The following GRIK1 variants were observed in gnomAD, a reference collection of about 807,000 sequenced individuals.
The protein encoded by GRIK1 is glutamate ionotropic receptor kainate type subunit 1.
In GRIK1, 69 loss-of-function variants were observed where a neutral mutation model predicts 105.7. The ratio of observed to expected loss-of-function variants is 0.65; its 90% CI spans 0.54 to 0.80. The LOEUF is 0.80. Ranked by LOEUF, GRIK1 falls within the 30% of genes least tolerant of loss-of-function variation. The probability of loss-of-function intolerance (pLI) is 0.00; values close to 1 mark genes in which losing one functional copy is unlikely to be tolerated. For missense variants in GRIK1, 1,109 were observed against 1,167.3 expected (o/e 0.95, Z 0.73); for synonymous variants, 438 against 431.3 (o/e 1.02, Z -0.19).
intron 1 of GRIK1, among the ~76,000 whole-genome samples, chr21:29,843,196 G>T (rs915459515): frequency 7.2e-5 from 11 of 152,066 alleles, no homozygotes; most frequent in African/African-American, 2.7e-4. Flanking sequence ...GGTGAATGAT[G>T]GTTGCTAATG....
intron 1 of GRIK1, among the ~76,000 whole-genome samples, chr21:29,911,297 T>A (rs189400541): frequency 1.2e-3 from 187 of 152,186 alleles, no homozygotes; most frequent in African/African-American, 4.3e-3. Context: ...GGACAAAATG[T>A]TTATTACATC....
At chr21:29,719,799 A>C (rs1269454172) in intron 1 of GRIK1, among the ~76,000 whole-genome samples, 2 of 152,224 alleles carry the variant, frequency 1.3e-5, no homozygotes, top group Non-Finnish European at 2.9e-5. Context: ...GATATTTCCC[A>C]AAGGACCAGT....
intron 1 of GRIK1, among the ~76,000 whole-genome samples, chr21:29,932,930 A>G (rs1299148623): frequency 6.6e-6 from 1 of 151,612 alleles, no homozygotes; most frequent in East Asian, 1.9e-4. Flanking sequence ...AAAAAAAAAA[A>G]CGAGAAAAAG....
At chr21:29,664,966 T>A (rs1388434026) in intron 4 of GRIK1, among the ~76,000 whole-genome samples, 2 of 152,224 alleles carry the variant, frequency 1.3e-5, no homozygotes, top group Admixed American at 6.5e-5. Flanking sequence ...GACATACATA[T>A]CTTCAAATAC....
At chr21:29,695,126 G>A (rs1010183970) in intron 1 of GRIK1, among the ~76,000 whole-genome samples, 1 of 152,180 alleles carries the variant, frequency 6.6e-6, no homozygotes, top group African/African-American at 2.4e-5. Context: ...CTCACTGCAA[G>A]TAACAGTACA....
chr21:29,595,340 G>GTTTTTTTT (rs71191119), intron 9 of GRIK1, among the ~76,000 whole-genome samples: 6 of 136,978 alleles, frequency 4.4e-5, no homozygotes, highest in Non-Finnish European at 6.3e-5. Context: ...AGTGTAATAG[G>GTTTTTTTT]TTTTTTTTTT....
chr21:29,802,650 T>C (rs1181084411), intron 1 of GRIK1, among the ~76,000 whole-genome samples: 1 of 152,126 alleles, frequency 6.6e-6, no homozygotes, highest in Admixed American at 6.6e-5. Flanking sequence ...CTATTCACAC[T>C]GACTGAAATG....
intron 1 of GRIK1, among the ~76,000 whole-genome samples, chr21:29,858,754 C>G (rs1487451305): frequency 6.6e-6 from 1 of 151,944 alleles, no homozygotes; most frequent in East Asian, 1.9e-4. Context: ...TTCATTGGTG[C>G]AAAATCTCAT....
At chr21:29,822,574 T>A (rs533105378) in intron 1 of GRIK1, among the ~76,000 whole-genome samples, 1 of 152,134 alleles carries the variant, frequency 6.6e-6, no homozygotes, top group African/African-American at 2.4e-5. Context: ...TTCTGGCCAA[T>A]GAGAAATAAG....
chr21:29,633,725 T>C lies in GRIK1; in HGVS notation c.1098+9101A>G, dbSNP rs116855739. On this transcript the variant is annotated intron_variant, in intron 7 of 17. Coordinates refer to ENST00000327783, the MANE Select transcript of GRIK1 (RefSeq NM_001330994.2). ...TTGAGGGAAGGACCTAAAAACCCAC[T>C]CTTCCTTAGGTCTAAATATCCTAAA... 3.7e-3 allele frequency among the ~76,000 whole-genome samples: 569 copies of C among 152,258 alleles called. 2 individuals carry two copies. Among genetic ancestry groups the C allele is most frequent in the Non-Finnish European group, 6.3e-3 (430 of 68,006 alleles).
intron 1 of GRIK1, among the ~76,000 whole-genome samples, chr21:29,812,061 T>C (rs1467345511): frequency 6.6e-6 from 1 of 152,204 alleles, no homozygotes; most frequent in African/African-American, 2.4e-5. Flanking sequence ...TACAGGTCAG[T>C]TACCTTCATG....
chr21:29,910,204 A>C (rs528345983), intron 1 of GRIK1, among the ~76,000 whole-genome samples: 1 of 152,334 alleles, frequency 6.6e-6, no homozygotes, highest in Admixed American at 6.5e-5. Context: ...TAATTTTAAA[A>C]GTTTTTAAAA....
chr21:29,557,121 C>T (rs960731723), intron 15 of GRIK1, among the ~76,000 whole-genome samples: 11 of 152,140 alleles, frequency 7.2e-5, no homozygotes, highest in Non-Finnish European at 1.6e-4. Flanking sequence ...TTTGGTTAAT[C>T]AATGCAAAGG....
intron 1 of GRIK1, among the ~76,000 whole-genome samples, chr21:29,816,791 G>A (rs908705454): frequency 1.3e-5 from 2 of 152,074 alleles, no homozygotes; most frequent in African/African-American, 4.8e-5. Context: ...AGACTGGGAA[G>A]GGAAGTGTGG....
chr21:29,715,042 A>T (rs1347566873), intron 1 of GRIK1, among the ~76,000 whole-genome samples: 1 of 152,194 alleles, frequency 6.6e-6, no homozygotes, highest in Admixed American at 6.5e-5. Flanking sequence ...ATGATATTGG[A>T]TGAACTCTTA....
At chr21:29,657,104 C>T (rs2062869115) in intron 4 of GRIK1, among the ~76,000 whole-genome samples, 1 of 152,100 alleles carries the variant, frequency 6.6e-6, no homozygotes, top group Admixed American at 6.6e-5. Context: ...AGTCAGAAAT[C>T]CTATTTTTCA....
At chr21:29,835,749 T>C (rs2067782328) in intron 1 of GRIK1, among the ~76,000 whole-genome samples, 2 of 152,222 alleles carry the variant, frequency 1.3e-5, no homozygotes, top group Non-Finnish European at 2.9e-5. Flanking sequence ...GAAGAAGCCA[T>C]ATTTCAGAAT....
rs2061466534 is a variant in GRIK1, at chr21:29,598,904, A to G, written c.1132T>C (p.Phe378Leu). Residue 378 changes from phenylalanine (F) to leucine (L), a missense_variant, in exon 8 of 18, where the codon TTT becomes CTT. Physicochemically the swap from Phe to Leu is conservative, Grantham distance 22. This residue lies in a region of GRIK1 where 612 missense variants were observed against 586.0 expected (regional missense o/e 1.04). Coordinates refer to ENST00000327783, the MANE Select transcript of GRIK1 (RefSeq NM_001330994.2). ...TTCCTCAAGCCATTGGTTTTATTAA[A>G]GGTGATATGCCCAGTCAAGCCATCC... ...RWDGLTGHITFNKTNGLRKDF... is the reference protein window; with the variant it reads ...RWDGLTGHITLNKTNGLRKDF... 1.3e-6 allele frequency: 2 copies of G among 1,595,336 alleles called. No individual in the cohort carries two copies. The highest frequency in any genetic ancestry group is 1.7e-6 in the Non-Finnish European group (2 of 1,166,298).
At position 29,642,841 on chromosome 21, in the gene GRIK1, C is replaced by T. The variant is rs2062540070; in HGVS notation, c.1083G>A (p.Met361Ile). The change falls in exon 7 of 18, where the codon ATG (methionine) becomes ATA (isoleucine). Residue 361 changes from methionine to isoleucine, a missense_variant. This residue lies in a region of GRIK1 where 612 missense variants were observed against 586.0 expected (regional missense o/e 1.04). Coordinates refer to ENST00000327783, the MANE Select transcript of GRIK1 (RefSeq NM_001330994.2). ...HKPWRLGPRFMNLIKEARWDG... is the reference protein window; with the variant it reads ...HKPWRLGPRFINLIKEARWDG... ...CATCACTTGCCTCTTTGATCAGGTT[C>T]ATAAATCTGGGTCCGAGGCGCCATG... 3 of 1,614,126 alleles carry T rather than the reference C, an allele frequency of 1.9e-6. No individual in the cohort carries two copies. The highest frequency in any genetic ancestry group is 2.5e-6 in the Non-Finnish European group (3 of 1,179,992).
Sources: gnomAD v4.1 joint callset for allele counts (sites outside exome capture counted in the v4.1 genomes callset) on GRCh38, gnomAD v4.1.1 for gene constraint, gnomAD v4.1.1 regional missense constraint, MANE v1.5 for transcripts, NCBI Gene and HGNC (gene_info 2026-07-23, HGNC 2026-07-21) for gene names.